The following RHBDD1 variants were observed in gnomAD, a reference collection of about 807,000 sequenced individuals.
The protein encoded by RHBDD1 is rhomboid-related protein 4.
A neutral mutation model predicts 36.3 loss-of-function variants in RHBDD1; 38 were observed. That is an observed-to-expected ratio of 1.05 (90% CI 0.81 to 1.37). The LOEUF (loss-of-function observed/expected upper bound fraction) is 1.37, where lower values mean the gene tolerates loss of function less well. Ranked by LOEUF, RHBDD1 falls within the 40% of genes most tolerant of loss-of-function variation. The pLI, the probability that RHBDD1 is intolerant of heterozygous loss-of-function variation, is 0.00. For synonymous variants in RHBDD1, 151 were observed against 136.5 expected (o/e 1.11, Z -0.74); for missense variants, 393 against 377.6 (o/e 1.04, Z -0.34).
intron 5 of RHBDD1, among the ~76,000 whole-genome samples, chr2:226,885,074 A>G (rs949027930): frequency 6.6e-6 from 1 of 152,178 alleles, no homozygotes; most frequent in Non-Finnish European, 1.5e-5. Context: ...TAAATGTCTA[A>G]CATAAAAGCT....
At chr2:226,966,363 A>G (rs1338566839) in intron 8 of RHBDD1, among the ~76,000 whole-genome samples, 1 of 152,138 alleles carries the variant, frequency 6.6e-6, no homozygotes, top group African/African-American at 2.4e-5. Context: ...GGATCCTCCT[A>G]GGGGCCTCCT....
At chr2:226,852,344 C>G (rs921520180) in intron 3 of RHBDD1, among the ~76,000 whole-genome samples, 6 of 152,152 alleles carry the variant, frequency 3.9e-5, no homozygotes, top group African/African-American at 1.4e-4. Flanking sequence ...ATAAAAATGT[C>G]TGTGTGCAAT....
chr2:226,848,373 A>G (rs1422083960), intron 3 of RHBDD1, among the ~76,000 whole-genome samples: 1 of 152,212 alleles, frequency 6.6e-6, no homozygotes, highest in Non-Finnish European at 1.5e-5. Flanking sequence ...CTTGGGAAAG[A>G]CTATTCCTAT....
the RHBDD1 span, among the ~76,000 whole-genome samples, chr2:226,827,174 G>A: frequency 8.7e-4 from 132 of 151,684 alleles, 1 homozygote; most frequent in South Asian, 0.025. Context: ...CATATTTTCC[G>A]GGCTGGTCTC....
chr2:226,951,576 T>A (rs1951429207), intron 8 of RHBDD1, among the ~76,000 whole-genome samples: 1 of 152,196 alleles, frequency 6.6e-6, no homozygotes, highest in South Asian at 2.1e-4. Context: ...AGTTCATGAT[T>A]GAATATTTTC....
intron 3 of RHBDD1, among the ~76,000 whole-genome samples, chr2:226,856,346 A>G (rs1943326773): frequency 6.6e-6 from 1 of 152,190 alleles, no homozygotes; most frequent in Admixed American, 6.5e-5. Flanking sequence ...AATATATATT[A>G]TACCATTTTC....
intron 5 of RHBDD1, among the ~76,000 whole-genome samples, chr2:226,883,862 A>G (rs1303039235): frequency 2.0e-5 from 3 of 152,224 alleles, no homozygotes; most frequent in Non-Finnish European, 2.9e-5. Context: ...TTTACAGGAA[A>G]AGGGTGTTTT....
At chr2:226,970,039 G>T (rs946851905) in intron 8 of RHBDD1, among the ~76,000 whole-genome samples, 23 of 131,948 alleles carry the variant, frequency 1.7e-4, no homozygotes, top group African/African-American at 6.8e-4. Context: ...TTTTAACCTG[G>T]TCACATCGTC....
At chr2:226,925,009 A>G (rs1019375111) in intron 8 of RHBDD1, among the ~76,000 whole-genome samples, 1 of 152,170 alleles carries the variant, frequency 6.6e-6, no homozygotes, top group Non-Finnish European at 1.5e-5. Context: ...TTTTCTGCAG[A>G]TAGTTCTTCA....
intron 8 of RHBDD1, among the ~76,000 whole-genome samples, chr2:226,983,458 C>G (rs1315672620): frequency 6.6e-6 from 1 of 152,134 alleles, no homozygotes; most frequent in Non-Finnish European, 1.5e-5. Context: ...CCACCTCAAT[C>G]CATTTCTTTT....
the RHBDD1 span, among the ~76,000 whole-genome samples, chr2:226,830,255 C>T: frequency 6.6e-6 from 1 of 152,132 alleles, no homozygotes; most frequent in Admixed American, 6.5e-5. Context: ...ATAAGAGACC[C>T]CAGAGAGCTA....
rs1944211857 is a variant in RHBDD1, at chr2:226,865,067, C to G, written c.374C>G (p.Ala125Gly). Residue 125 changes from alanine (A) to glycine (G), a missense_variant, in exon 4 of 9, where the codon GCT becomes GGT. By Grantham distance (60) the Ala-to-Gly change is moderately conservative. Transcript: ENST00000392062. ...TGVVYLLLQF[A>G]VAEFMDEPDF... Reference sequence around the variant, plus strand: ...GTGGTATACCTGCTCTTGCAATTTGCTGTTGCCGAATTTATGGATGAACCT... The same window carrying G: ...GTGGTATACCTGCTCTTGCAATTTGGTGTTGCCGAATTTATGGATGAACCT... The G allele has an allele frequency of 1.9e-5, 30 of 1,614,132 alleles. No individual in the cohort carries two copies. Among genetic ancestry groups the G allele is most frequent in the Non-Finnish European group, 2.4e-5 (28 of 1,180,034 alleles).
intron 8 of RHBDD1, among the ~76,000 whole-genome samples, chr2:226,967,884 T>G: frequency 6.6e-6 from 1 of 152,112 alleles, no homozygotes; most frequent in African/African-American, 2.4e-5. Flanking sequence ...GGCACAGGAC[T>G]GTCCTGTACA....
intron 6 of RHBDD1, chr2:226,908,580 A>G (rs1948240950): frequency 4.9e-6 from 2 of 405,396 alleles, no homozygotes; most frequent in Admixed American, 7.7e-5. Context: ...TTCATTTTCC[A>G]CTACACACAC....
At chr2:226,947,162 C>T (rs1049953642) in intron 8 of RHBDD1, among the ~76,000 whole-genome samples, 1 of 151,490 alleles carries the variant, frequency 6.6e-6, no homozygotes, top group Non-Finnish European at 1.5e-5. Context: ...GTGTTTTGGA[C>T]ATGAAGTCCT....
intron 5 of RHBDD1, among the ~76,000 whole-genome samples, chr2:226,897,996 A>G (rs976306991): frequency 3.9e-5 from 6 of 152,092 alleles, no homozygotes; most frequent in African/African-American, 1.4e-4. Context: ...CAAAACAACA[A>G]CAACAACAAC....
chr2:226,830,359 T>G, the RHBDD1 span, among the ~76,000 whole-genome samples: 4 of 152,212 alleles, frequency 2.6e-5, no homozygotes, highest in Non-Finnish European at 5.9e-5. Flanking sequence ...TTGTCAACTT[T>G]CCAGCCTCCA....
chr2:226,828,128 C>G, the RHBDD1 span, among the ~76,000 whole-genome samples: 1 of 152,164 alleles, frequency 6.6e-6, no homozygotes, highest in Non-Finnish European at 1.5e-5. Context: ...CTAACCTGCT[C>G]CCACTCCTGG....
chr2:226,830,193 G>A, the RHBDD1 span, among the ~76,000 whole-genome samples: 1 of 152,090 alleles, frequency 6.6e-6, no homozygotes, highest in Admixed American at 6.5e-5. Context: ...GGAGCCTTTG[G>A]GAAGGAATTA....
Sources: gnomAD v4.1 joint callset for allele counts (sites outside exome capture counted in the v4.1 genomes callset) on GRCh38, gnomAD v4.1.1 for gene constraint, MANE v1.5 for transcripts, NCBI Gene and HGNC (gene_info 2026-07-23, HGNC 2026-07-21) for gene names.